The following INKA1 variants were observed in gnomAD, a reference collection of about 807,000 sequenced individuals.
The protein encoded by INKA1 is PAK4-inhibitor INKA1.
Under a neutral mutation model 21.3 loss-of-function variants are expected in INKA1, and 14 were observed. That is an observed-to-expected ratio of 0.66 (90% CI 0.43 to 1.03). The LOEUF is 1.03. INKA1 is among the 50% of genes least tolerant of loss of function. The pLI, the probability that INKA1 is intolerant of heterozygous loss-of-function variation, is 0.00. For synonymous variants in INKA1, 133 were observed against 143.3 expected, an observed-to-expected ratio of 0.93 and a Z score of 0.51; for missense variants, 353 against 379.0, an observed-to-expected ratio of 0.93 and a Z score of 0.57.
In INKA1 at chr3:49,804,662, G is replaced by A; in HGVS notation, c.533G>A (p.Gly178Asp). The change falls in exon 2 of 2, where the codon GGT (glycine) becomes GAT (aspartate). Residue 178 changes from glycine (G) to aspartate (D), a missense_variant. Gly to Asp is a moderately conservative substitution (Grantham distance 94). Transcript: ENST00000333323. The surrounding 1 kb of genome is among the most constrained non-coding windows in gnomAD (Gnocchi z 6.7). Reference sequence around the variant, plus strand: ...TGGACAGCAGCCCTACTGAACAGGGGTCGCAGTCGCCAGCCCCTGGTACTA... The same window carrying A: ...TGGACAGCAGCCCTACTGAACAGGGATCGCAGTCGCCAGCCCCTGGTACTA... The part of the protein sequence containing the change: ...EDWTAALLNR[G>D]RSRQPLVLGD... The A allele has an allele frequency of 6.2e-7, 1 of 1,613,200 alleles. No individual in the cohort carries two copies. Among genetic ancestry groups the A allele is most frequent in the Non-Finnish European group, 8.5e-7 (1 of 1,180,022 alleles).
Position 49,803,424 on chromosome 3 carries a change from G to C in INKA1, c.32G>C (p.Ser11Thr). 1 of 1,557,804 alleles carries C rather than the reference G, an allele frequency of 6.4e-7. No homozygotes were observed. The highest frequency in any genetic ancestry group is 1.2e-5 in the South Asian group (1 of 83,796). ...AGCGCTCGGCTTGACAGCTTCCTTA[G>C]CCAGCTCCGCTGGGAACTGGTGAGG... MHSARLDSFL[S>T]QLRWELLCGR... Residue 11 changes from serine (S) to threonine (T), a missense_variant, in exon 1 of 2, where the codon AGC becomes ACC. By Grantham distance (58) the Ser-to-Thr change is moderately conservative. Transcript: ENST00000333323. The surrounding 1 kb of genome is among the most constrained non-coding windows in gnomAD (Gnocchi z 4.8).
At position 49,804,740 on chromosome 3, in the gene INKA1, CAG is replaced by C. The variant is rs2081416893; in HGVS notation, c.612_613del (p.Gly205GlufsTer2). On this transcript the variant is annotated frameshift_variant, in exon 2 of 2. Transcript: ENST00000333323. LOFTEE classifies it high-confidence loss of function. This position sits in a 1 kb window ranked among gnomAD's most constrained non-coding sequence, Gnocchi z 6.7. ...CACAACTGGATGGAGCTGCCTGAGA[CAG>C]GGAGTGAAGGGGGTGACGGAGGTGG... 6.2e-7 allele frequency: 1 copy of C among 1,613,314 alleles called. No homozygotes were observed. The highest frequency in any genetic ancestry group is 2.2e-5 in the East Asian group (1 of 44,888).
chr3:49,804,982 C>G lies in INKA1; in HGVS notation c.853C>G (p.Leu285Val), dbSNP rs367793741. 1.6e-5 allele frequency: 25 copies of G among 1,605,660 alleles called. No homozygotes were observed. Among genetic ancestry groups the G allele is most frequent in the Non-Finnish European group, 2.0e-5 (23 of 1,174,194 alleles). The change falls in exon 2 of 2, where the codon CTC becomes GTC. Residue 285 changes from leucine (L) to valine (V), a missense_variant. Physicochemically the swap from Leu to Val is conservative, Grantham distance 32. Transcript: ENST00000333323. This position sits in a 1 kb window ranked among gnomAD's most constrained non-coding sequence, Gnocchi z 6.7. Reference sequence around the variant, plus strand: ...CATCATCTGCAATGATGTCAGCTACCTCTGACCCTGCCCTCCAGCCTGGGA... The same window carrying G: ...CATCATCTGCAATGATGTCAGCTACGTCTGACCCTGCCCTCCAGCCTGGGA... The part of the protein sequence containing the change: ...QPIICNDVSY[L>V]
chr3:49,804,062 T>G lies in INKA1; in HGVS notation c.52-119T>G. ...CAGCACCCCTATGCCTGCCCTGTGC[T>G]CACTAACACCCTGCTGCCCAGGCCA... On this transcript the variant is annotated intron_variant, in intron 1 of 1. Coordinates refer to ENST00000333323, the MANE Select transcript of INKA1 (RefSeq NM_203370.2). This position sits in a 1 kb window ranked among gnomAD's most constrained non-coding sequence, Gnocchi z 6.7. The G allele has an allele frequency of 1.2e-6, 1 of 818,750 alleles. No homozygotes were observed. The highest frequency in any genetic ancestry group is 1.7e-5 in the South Asian group (1 of 59,052). 50.7% of individuals were successfully genotyped at this position (818,750 alleles called of 1,614,324 possible). A position where few individuals can be genotyped will look rare whatever the true frequency, so the allele number is the denominator to read the frequency against.
In INKA1 at chr3:49,803,283, G is replaced by T; in HGVS notation, c.-110G>T. On this transcript the variant is annotated 5_prime_UTR_variant, in exon 1 of 2. In the 5' UTR this introduces an upstream ATG that the reference lacks. Coordinates refer to ENST00000333323, the MANE Select transcript of INKA1 (RefSeq NM_203370.2). This position sits in a 1 kb window ranked among gnomAD's most constrained non-coding sequence, Gnocchi z 4.8. ...GCTACGGAGAGCGAGGAGTCGCGCA[G>T]GCAGGCGGAGGCTGAGGGCGCCGCT... 9.4e-7 allele frequency: 1 copy of T among 1,064,834 alleles called. No homozygotes were observed. The highest frequency in any genetic ancestry group is 1.3e-6 in the Non-Finnish European group (1 of 786,166). 66.0% of individuals were successfully genotyped at this position (1,064,834 alleles called of 1,614,324 possible).
rs2081415975 is a variant in INKA1 at position 49,804,679 on chromosome 3, C to T, written c.550C>T (p.Leu184=). The part of the protein sequence containing the change: ...LLNRGRSRQP[L]VLGDNCFADL... ...GAACAGGGGTCGCAGTCGCCAGCCC[C>T]TGGTACTAGGGGACAATTGCTTTGC... The change falls in exon 2 of 2, where the codon CTG becomes TTG. Residue 184 remains leucine (L), a synonymous_variant. Coordinates refer to ENST00000333323, the MANE Select transcript of INKA1 (RefSeq NM_203370.2). This position sits in a 1 kb window ranked among gnomAD's most constrained non-coding sequence, Gnocchi z 6.7. 2.5e-6 allele frequency: 4 copies of T among 1,613,080 alleles called. No homozygotes were observed. The highest frequency in any genetic ancestry group is 3.4e-6 in the Non-Finnish European group (4 of 1,180,038).
At position 49,804,514 on chromosome 3, in the gene INKA1, G is replaced by T. The variant is rs1469774399; in HGVS notation, c.385G>T (p.Val129Phe). 30 of 1,613,400 alleles carry T rather than the reference G, an allele frequency of 1.9e-5. No homozygotes were observed. The highest frequency in any genetic ancestry group is 2.5e-5 in the Non-Finnish European group (30 of 1,180,020). Reference sequence around the variant, plus strand: ...GCCCCTTCGTAGGCAGTGCCTCTCAGTCAGTGGCCTCCCCATGCCCAGCAG... The same window carrying T: ...GCCCCTTCGTAGGCAGTGCCTCTCATTCAGTGGCCTCCCCATGCCCAGCAG... ...AQPLRRQCLS[V>F]SGLPMPSRAP... The change falls in exon 2 of 2, where the codon GTC (valine) becomes TTC (phenylalanine). Residue 129 changes from valine (V) to phenylalanine (F), a missense_variant. Physicochemically the swap from Val to Phe is conservative, Grantham distance 50 (BLOSUM62 -1). Transcript: ENST00000333323. The surrounding 1 kb of genome is among the most constrained non-coding windows in gnomAD (Gnocchi z 6.7).
Position 49,804,062 on chromosome 3 carries a change from T to C in INKA1, c.52-119T>C. The stretch of plus-strand genomic sequence containing the variant: ...CAGCACCCCTATGCCTGCCCTGTGC[T>C]CACTAACACCCTGCTGCCCAGGCCA... On this transcript the variant is annotated intron_variant, in intron 1 of 1. Coordinates refer to ENST00000333323, the MANE Select transcript of INKA1 (RefSeq NM_203370.2). The surrounding 1 kb of genome is among the most constrained non-coding windows in gnomAD (Gnocchi z 6.7). 1 of 818,750 alleles carries C rather than the reference T, an allele frequency of 1.2e-6. No homozygotes were observed. The highest frequency in any genetic ancestry group is 2.0e-6 in the Non-Finnish European group (1 of 511,678). The allele number at this position is 818,750 out of a possible 1,614,324, so 50.7% of individuals were successfully genotyped here. A position where few individuals can be genotyped will look rare whatever the true frequency, so the allele number is the denominator to read the frequency against.
In INKA1 at chr3:49,804,597, C is replaced by CA; in HGVS notation, c.468_469insA (p.Ala157SerfsTer37). On this transcript the variant is annotated frameshift_variant, in exon 2 of 2. Coordinates refer to ENST00000333323, the MANE Select transcript of INKA1 (RefSeq NM_203370.2). LOFTEE classifies it high-confidence loss of function. The surrounding 1 kb of genome is among the most constrained non-coding windows in gnomAD (Gnocchi z 6.7). ...ATCCACGGCCCAAGTCCACCCCAGA[C>CA]GCCTGCCTGGAGCACTGGCAGGGAC... 6.2e-7 allele frequency: 1 copy of CA among 1,613,398 alleles called. No homozygotes were observed. Among genetic ancestry groups the CA allele is most frequent in the Non-Finnish European group, 8.5e-7 (1 of 1,180,038 alleles).
rs1333278856 is a variant in INKA1 at position 49,803,515 on chromosome 3, C to T, written c.51+72C>T. On this transcript the variant is annotated intron_variant, in intron 1 of 1. Coordinates refer to ENST00000333323, the MANE Select transcript of INKA1 (RefSeq NM_203370.2). The surrounding 1 kb of genome is among the most constrained non-coding windows in gnomAD (Gnocchi z 4.8). ...CCAGGCTGCCGCCCGGCCGGAACAA[C>T]AGACGGGTGCGGGGTGGCTCCAGCG... 8.9e-6 allele frequency: 13 copies of T among 1,458,284 alleles called. No individual in the cohort carries two copies. Among genetic ancestry groups the T allele is most frequent in the Non-Finnish European group, 1.2e-5 (13 of 1,075,408 alleles). The allele number at this position is 1,458,284 out of a possible 1,614,324, so 90.3% of individuals were successfully genotyped here. A position where few individuals can be genotyped will look rare whatever the true frequency, so the allele number is the denominator to read the frequency against.
Position 49,804,064 on chromosome 3 carries a change from A to G in INKA1, c.52-117A>G. 2 of 844,226 alleles carry G rather than the reference A, an allele frequency of 2.4e-6. No homozygotes were observed. Among genetic ancestry groups the G allele is most frequent in the Non-Finnish European group, 3.7e-6 (2 of 533,586 alleles). The allele number at this position is 844,226 out of a possible 1,614,324, so 52.3% of individuals were successfully genotyped here. On this transcript the variant is annotated intron_variant, in intron 1 of 1. Coordinates refer to ENST00000333323, the MANE Select transcript of INKA1 (RefSeq NM_203370.2). This position sits in a 1 kb window ranked among gnomAD's most constrained non-coding sequence, Gnocchi z 6.7. The stretch of plus-strand genomic sequence containing the variant: ...GCACCCCTATGCCTGCCCTGTGCTC[A>G]CTAACACCCTGCTGCCCAGGCCAGC...
rs1307330313 is a variant in INKA1, at chr3:49,803,419, C to T, written c.27C>T (p.Phe9=). The T allele has an allele frequency of 2.6e-6, 4 of 1,557,394 alleles. No homozygotes were observed. The highest frequency in any genetic ancestry group is 2.4e-5 in the South Asian group (2 of 83,758). The change falls in exon 1 of 2, where the codon TTC becomes TTT. Residue 9 remains phenylalanine (F), a synonymous_variant. Transcript: ENST00000333323. The surrounding 1 kb of genome is among the most constrained non-coding windows in gnomAD (Gnocchi z 4.8). ...TGCACAGCGCTCGGCTTGACAGCTT[C>T]CTTAGCCAGCTCCGCTGGGAACTGG... The part of the protein sequence containing the change: MHSARLDS[F]LSQLRWELLC...
rs776172387 is a variant in INKA1 at position 49,804,498 on chromosome 3, TAGGCAGTGCCTCTC to T, written c.372_385del (p.Arg124SerfsTer65). The T allele has an allele frequency of 1.8e-5, 29 of 1,613,350 alleles. No homozygotes were observed. In the East Asian group the frequency reaches 5.6e-4, roughly 31 times the overall value. ...CAGCACCCTCAGCACAGCCCCTTCG[TAGGCAGTGCCTCTC>T]AGTCAGTGGCCTCCCCATGCCCAGC... On this transcript the variant is annotated frameshift_variant, in exon 2 of 2. Transcript: ENST00000333323. LOFTEE classifies it high-confidence loss of function. This position sits in a 1 kb window ranked among gnomAD's most constrained non-coding sequence, Gnocchi z 6.7.
chr3:49,804,262 A>C lies in INKA1; in HGVS notation c.133A>C (p.Ser45Arg). Residue 45 changes from serine (S) to arginine (R), a missense_variant, in exon 2 of 2, where the codon AGC becomes CGC. Ser to Arg is a moderately radical substitution (Grantham distance 110). Transcript: ENST00000333323. This position sits in a 1 kb window ranked among gnomAD's most constrained non-coding sequence, Gnocchi z 6.7. Reference protein sequence around the residue: ...TSQTGPDVQPSHQLRASGALE... With the variant: ...TSQTGPDVQPRHQLRASGALE... ...CCAAACTGGCCCAGATGTGCAGCCC[A>C]GCCACCAGCTTAGGGCCTCGGGTGC... 1 of 1,613,174 alleles carries C rather than the reference A, an allele frequency of 6.2e-7. No individual in the cohort carries two copies. Among genetic ancestry groups the C allele is most frequent in the Non-Finnish European group, 8.5e-7 (1 of 1,179,596 alleles).
At position 49,803,527 on chromosome 3, in the gene INKA1, G is replaced by C; in HGVS notation, c.51+84G>C. On this transcript the variant is annotated intron_variant, in intron 1 of 1. Transcript: ENST00000333323. The surrounding 1 kb of genome is among the most constrained non-coding windows in gnomAD (Gnocchi z 4.8). ...CCGGCCGGAACAACAGACGGGTGCG[G>C]GGTGGCTCCAGCGTGCCGGTCCGAG... is the stretch of plus-strand genomic sequence containing the variant. 1 of 1,400,928 alleles carries C rather than the reference G, an allele frequency of 7.1e-7. No individual in the cohort carries two copies. The highest frequency in any genetic ancestry group is 9.7e-7 in the Non-Finnish European group (1 of 1,028,942). The allele number at this position is 1,400,928 out of a possible 1,614,324, so 86.8% of individuals were successfully genotyped here.
At position 49,804,970 on chromosome 3, in the gene INKA1, G is replaced by C; in HGVS notation, c.841G>C (p.Asp281His). ...CRSRQPIICN[D>H]VSYL is the part of the protein sequence containing the mutation. ...TAGCCGCCAGCCCATCATCTGCAAT[G>C]ATGTCAGCTACCTCTGACCCTGCCC... The change falls in exon 2 of 2, where the codon GAT becomes CAT. Residue 281 changes from aspartate to histidine, a missense_variant. Transcript: ENST00000333323. This position sits in a 1 kb window ranked among gnomAD's most constrained non-coding sequence, Gnocchi z 6.7. 6.2e-7 allele frequency: 1 copy of C among 1,609,374 alleles called. No homozygotes were observed. Among genetic ancestry groups the C allele is most frequent in the Non-Finnish European group, 8.5e-7 (1 of 1,177,002 alleles).
Position 49,804,559 on chromosome 3 carries a change from CCA to C in INKA1, c.432_433del (p.Pro145CysfsTer48). 6.2e-7 allele frequency: 1 copy of C among 1,613,460 alleles called. No homozygotes were observed. The highest frequency in any genetic ancestry group is 1.6e-4 in the Middle Eastern group (1 of 6,062). Reference protein sequence around the residue: ...MPSRAPVASVPPVHHPRPKST... With the variant: ...MPSRAPVASVXPVHHPRPKST... Reference sequence around the variant, plus strand: ...CAGCAGGGCCCCTGTAGCCAGTGTACCACCTGTCCACCATCCACGGCCCAAGT... The same window carrying C: ...CAGCAGGGCCCCTGTAGCCAGTGTACCCTGTCCACCATCCACGGCCCAAGT... On this transcript the variant is annotated frameshift_variant, in exon 2 of 2. Transcript: ENST00000333323. LOFTEE classifies it high-confidence loss of function. The surrounding 1 kb of genome is among the most constrained non-coding windows in gnomAD (Gnocchi z 6.7).
At position 49,803,877 on chromosome 3, in the gene INKA1, C is replaced by G. The variant is rs78926068; in HGVS notation, c.52-304C>G. ...ATCCCCCAATAGGCACGGGATGCCC[C>G]TCCAGTCCTGGGCAGGACCTACTTC... On this transcript the variant is annotated intron_variant, in intron 1 of 1. Transcript: ENST00000333323. This position sits in a 1 kb window ranked among gnomAD's most constrained non-coding sequence, Gnocchi z 4.8. 0.012 allele frequency among the ~76,000 whole-genome samples: 1,784 copies of G among 152,292 alleles called. 38 individuals carry two copies. The highest frequency in any genetic ancestry group is 0.04 in the African/African-American group (1,657 of 41,564).
In INKA1 at chr3:49,803,523, TGCGGGGTGGCTCCAGCGTGCCGGTCCGAG is replaced by T; in HGVS notation, c.51+90_51+118del. 7.1e-7 allele frequency: 1 copy of T among 1,415,280 alleles called. No homozygotes were observed. The highest frequency in any genetic ancestry group is 9.6e-7 in the Non-Finnish European group (1 of 1,041,272). The allele number at this position is 1,415,280 out of a possible 1,614,324, so 87.7% of individuals were successfully genotyped here. On this transcript the variant is annotated intron_variant, in intron 1 of 1. Transcript: ENST00000333323. The surrounding 1 kb of genome is among the most constrained non-coding windows in gnomAD (Gnocchi z 4.8). ...CCGCCCGGCCGGAACAACAGACGGG[TGCGGGGTGGCTCCAGCGTGCCGGTCCGAG>T]GCGGGGTGGGGGCGGCGTGGCGCAT...
Sources: allele counts gnomAD v4.1 joint callset (sites outside exome capture counted in the v4.1 genomes callset), GRCh38; gene constraint gnomAD v4.1.1; non-coding constraint Gnocchi (gnomAD v3.1); transcripts MANE v1.5; gene names NCBI Gene and HGNC (gene_info 2026-07-23, HGNC 2026-07-21).